ARHGAP28: variants seen among roughly 807,000 people sequenced by gnomAD.
ARHGAP28 encodes Rho GTPase activating protein 28.
Under a neutral mutation model 90.7 loss-of-function variants are expected in ARHGAP28, and 56 were observed. The observed-to-expected ratio is 0.62, with a 90% CI of 0.50 to 0.77. The LOEUF (loss-of-function observed/expected upper bound fraction) is 0.77. Among genes scored for constraint, ARHGAP28 ranks in the 30% least tolerant of loss-of-function variants. The pLI, the probability that ARHGAP28 is intolerant of heterozygous loss-of-function variation, is 0.00. For missense variants in ARHGAP28, 869 were observed against 900.9 expected, an observed-to-expected ratio of 0.96 and a Z score of 0.45; for synonymous variants, 308 against 323.3, an observed-to-expected ratio of 0.95 and a Z score of 0.51.
Position 6,895,165 on chromosome 18 carries a change from T to C in ARHGAP28, c.1905+274T>C, listed in dbSNP as rs1354603040. 3.3e-5 allele frequency among the ~76,000 whole-genome samples: 5 copies of C among 152,030 alleles called. No homozygotes were observed. In the East Asian group the frequency reaches 9.7e-4, roughly 29 times the overall value. The stretch of plus-strand genomic sequence containing the variant: ...AAGTAATGTCAGAGTGTGCAACGTA[T>C]TGTATACGGAGAGGCTTCTGGGGAG... On this transcript the variant is annotated intron_variant, in intron 15 of 17. Transcript: ENST00000383472.
intron 1 of ARHGAP28, among the ~76,000 whole-genome samples, chr18:6,740,631 A>G (rs1464598099): frequency 6.6e-6 from 1 of 152,148 alleles, no homozygotes; most frequent in Non-Finnish European, 1.5e-5. Context: ...TAGAGATAGG[A>G]CAATCATTTT....
At chr18:6,831,826 G>C (rs1329071956) in intron 2 of ARHGAP28, among the ~76,000 whole-genome samples, 1 of 152,048 alleles carries the variant, frequency 6.6e-6, no homozygotes, top group Non-Finnish European at 1.5e-5. Flanking sequence ...CAGGGAACGG[G>C]TTCAGTACTC....
Position 6,837,225 on chromosome 18 carries a change from A to C in ARHGAP28, c.354A>C (p.Gln118His), listed in dbSNP as rs1325680696. ...DEGELEAEWL[Q>H]DVGLSTLISG... ...GAGAACTTGAAGCAGAATGGCTGCAAGATGTGGGTTTATCAACTCTGATCT... is the reference window on the plus strand; with the variant it reads ...GAGAACTTGAAGCAGAATGGCTGCACGATGTGGGTTTATCAACTCTGATCT... The change falls in exon 3 of 18, where the codon CAA becomes CAC. Residue 118 changes from glutamine to histidine, a missense_variant. Transcript: ENST00000383472. 6.4e-7 allele frequency: 1 copy of C among 1,566,748 alleles called. No individual in the cohort carries two copies. The highest frequency in any genetic ancestry group is 1.2e-5 in the South Asian group (1 of 85,686).
intron 1 of ARHGAP28, among the ~76,000 whole-genome samples, chr18:6,764,789 C>T (rs2056187607): frequency 6.6e-6 from 1 of 152,168 alleles, no homozygotes; most frequent in Non-Finnish European, 1.5e-5. Context: ...GGACTTTCTG[C>T]ATGTTATACT....
At chr18:6,746,934 A>AACACT (rs2056027926) in intron 1 of ARHGAP28, among the ~76,000 whole-genome samples, 1 of 105,154 alleles carries the variant, frequency 9.5e-6, no homozygotes, top group Non-Finnish European at 2.4e-5. Context: ...AACAAAAAAC[A>AACACT]GCACTGTATA....
chr18:6,804,795 A>G (rs1263560448), intron 1 of ARHGAP28, among the ~76,000 whole-genome samples: 2 of 152,180 alleles, frequency 1.3e-5, no homozygotes, highest in African/African-American at 2.4e-5. Context: ...ATCCTTTTAA[A>G]TTTATTGACA....
At position 6,761,137 on chromosome 18, in the gene ARHGAP28, G is replaced by A. The variant is rs112155919; in HGVS notation, c.122+31194G>A. 9.1e-3 allele frequency among the ~76,000 whole-genome samples: 1,384 copies of A among 151,352 alleles called. 10 individuals carry two copies. The highest frequency in any genetic ancestry group is 0.032 in the African/African-American group (1,321 of 41,166). On this transcript the variant is annotated intron_variant, in intron 1 of 17. Coordinates refer to ENST00000383472, the MANE Select transcript of ARHGAP28 (RefSeq NM_001366230.1). ...ACTAATTGGGGGTATCAGAAGTAAGGTTAGTAGCATCTTAGAGATGGGGGT... is the reference window on the plus strand; with the variant it reads ...ACTAATTGGGGGTATCAGAAGTAAGATTAGTAGCATCTTAGAGATGGGGGT...
intron 1 of ARHGAP28, among the ~76,000 whole-genome samples, chr18:6,783,833 C>T (rs546248941): frequency 3.9e-4 from 60 of 152,184 alleles, no homozygotes; most frequent in African/African-American, 1.3e-3. Context: ...AAACTGCGTT[C>T]CTCTATTCTG....
At chr18:6,879,626 G>A (rs74713105) in intron 10 of ARHGAP28, among the ~76,000 whole-genome samples, 2,014 of 152,330 alleles carry the variant, frequency 0.013, 42 homozygotes, top group African/African-American at 0.045. Context: ...CATCCAGACA[G>A]TATGACGCGG....
rs757813579 is a variant in ARHGAP28 at position 6,876,173 on chromosome 18, A to C, written c.1255A>C (p.Ile419Leu). Reference protein sequence around the residue: ...VEESGLESEGIFRLSGCTAKV... With the variant: ...VEESGLESEGLFRLSGCTAKV... ...GGAATCAGGTCTGGAATCTGAAGGA[A>C]TTTTTCGACTTTCAGGATGTACTGC... The change falls in exon 10 of 18, where the codon ATT becomes CTT. Residue 419 changes from isoleucine (I) to leucine (L), a missense_variant. By Grantham distance (5) the Ile-to-Leu change is conservative (BLOSUM62 2). Coordinates refer to ENST00000383472, the MANE Select transcript of ARHGAP28 (RefSeq NM_001366230.1). 1.2e-6 allele frequency: 2 copies of C among 1,613,872 alleles called. No individual in the cohort carries two copies. The highest frequency in any genetic ancestry group is 1.7e-6 in the Non-Finnish European group (2 of 1,179,962).
intron 1 of ARHGAP28, among the ~76,000 whole-genome samples, chr18:6,734,088 T>C (rs920102955): frequency 1.3e-5 from 2 of 152,236 alleles, no homozygotes; most frequent in Admixed American, 1.3e-4. Context: ...CAAAATTGTA[T>C]ATCCACATCC....
chr18:6,745,933 C>T (rs1025304791), intron 1 of ARHGAP28, among the ~76,000 whole-genome samples: 1 of 152,200 alleles, frequency 6.6e-6, no homozygotes, highest in Non-Finnish European at 1.5e-5. Flanking sequence ...ACCTATCACA[C>T]TGTGAGAAAA....
At chr18:6,763,487 T>C (rs888969587) in intron 1 of ARHGAP28, among the ~76,000 whole-genome samples, 1 of 152,232 alleles carries the variant, frequency 6.6e-6, no homozygotes, top group African/African-American at 2.4e-5. Context: ...CAGTTCTTAT[T>C]TTTCAAGGAA....
intron 1 of ARHGAP28, among the ~76,000 whole-genome samples, chr18:6,754,392 A>G (rs1408598790): frequency 6.6e-6 from 1 of 152,204 alleles, no homozygotes; most frequent in Non-Finnish European, 1.5e-5. Context: ...ACTGGGTATC[A>G]TAAGCAGGAT....
intron 1 of ARHGAP28, among the ~76,000 whole-genome samples, chr18:6,735,447 C>A (rs2055917266): frequency 1.3e-5 from 2 of 152,298 alleles, no homozygotes; most frequent in Middle Eastern, 3.4e-3. Context: ...ATCTGACAGA[C>A]TGTCCTTGTC....
intron 1 of ARHGAP28, among the ~76,000 whole-genome samples, chr18:6,750,734 C>T (rs1276967112): frequency 6.6e-6 from 1 of 152,134 alleles, no homozygotes; most frequent in Non-Finnish European, 1.5e-5. Context: ...TGGAGGCCCA[C>T]CCTGATTACC....
intron 1 of ARHGAP28, among the ~76,000 whole-genome samples, chr18:6,751,331 G>GAA (rs57503256): frequency 7.2e-6 from 1 of 138,504 alleles, no homozygotes; most frequent in African/African-American, 2.6e-5. Context: ...CTCTTGTAAA[G>GAA]AAAAAAAAAA....
chr18:6,784,277 G>A (rs1223325743), intron 1 of ARHGAP28, among the ~76,000 whole-genome samples: 1 of 152,094 alleles, frequency 6.6e-6, no homozygotes, highest in Non-Finnish European at 1.5e-5. Flanking sequence ...GTTAGATTCT[G>A]CCCCAGACTT....
rs2143858595 is a variant in ARHGAP28 at position 6,837,361 on chromosome 18, G to A, written c.490G>A (p.Asp164Asn). 1 of 1,608,474 alleles carries A rather than the reference G, an allele frequency of 6.2e-7. No homozygotes were observed. The highest frequency in any genetic ancestry group is 8.5e-7 in the Non-Finnish European group (1 of 1,176,726). The change falls in exon 3 of 18, where the codon GAT becomes AAT. Residue 164 changes from aspartate (D) to asparagine (N), a missense_variant. Asp to Asn is a conservative substitution (Grantham distance 23). Transcript: ENST00000383472. ...HTYTQTMRKK[D>N]KQSIRDVRDI... The stretch of plus-strand genomic sequence containing the variant: ...CTATACCCAAACCATGAGGAAAAAG[G>A]ATAAGCAATCTATCAGGGATGTCAG...
Sources: allele counts gnomAD v4.1 joint callset (sites outside exome capture counted in the v4.1 genomes callset), GRCh38; gene constraint gnomAD v4.1.1; transcripts MANE v1.5; gene names NCBI Gene and HGNC (gene_info 2026-07-23, HGNC 2026-07-21).